The following CPLANE1 variants were observed in gnomAD, a reference collection of about 807,000 sequenced individuals.
The protein encoded by CPLANE1 is ciliogenesis and planar polarity effector 1.
A neutral mutation model predicts 362.5 loss-of-function variants in CPLANE1; 263 were observed. The ratio of observed to expected loss-of-function variants is 0.73; its 90% CI spans 0.66 to 0.80. The LOEUF (loss-of-function observed/expected upper bound fraction) is 0.80. CPLANE1 is among the 30% of genes least tolerant of loss of function. The probability of loss-of-function intolerance (pLI) is 0.00; values close to 1 mark genes in which losing one functional copy is unlikely to be tolerated. For missense variants in CPLANE1, 3,461 were observed against 3,793.4 expected (o/e 0.91, Z 2.30); for synonymous variants, 1,212 against 1,302.6 (o/e 0.93, Z 1.50).
chr5:37,191,708 G>T (rs1341693819), intron 21 of CPLANE1, among the ~76,000 whole-genome samples: 1 of 152,054 alleles, frequency 6.6e-6, no homozygotes, highest in Non-Finnish European at 1.5e-5. Flanking sequence ...AGTGGCTTAC[G>T]CCTGTAGTCC....
At chr5:37,170,421 G>C in intron 32 of CPLANE1, 90 bp from the exon 33 acceptor site, 2 of 1,244,370 alleles carry the variant, frequency 1.6e-6, no homozygotes, top group Non-Finnish European at 2.2e-6. Context: ...TTCTACAATA[G>C]TCACACGTTT....
intron 17 of CPLANE1, 78 bp from the exon 18 acceptor site, chr5:37,205,532 C>G (rs530932736): frequency 4.2e-6 from 4 of 961,582 alleles, no homozygotes; most frequent in South Asian, 2.0e-5. Flanking sequence ...AAGGACTAAA[C>G]ATGAAAGTTT....
the CPLANE1 span, among the ~76,000 whole-genome samples, chr5:37,088,279 AGCAGGCAAT>A: frequency 6.6e-6 from 1 of 152,356 alleles, no homozygotes; most frequent in East Asian, 1.9e-4. Context: ...GCTAATGTGC[AGCAGGCAAT>A]GCAGGCAATC....
rs747983398 is a variant in CPLANE1, at chr5:37,173,896, T to C, written c.6030A>G (p.Ile2010Met). Residue 2010 changes from isoleucine to methionine, a missense_variant, in exon 32 of 53, where the codon ATA (isoleucine) becomes ATG (methionine). Coordinates refer to ENST00000651892, the MANE Select transcript of CPLANE1 (RefSeq NM_001384732.1). ...GTGAAGCAACATTGACTCCATTTGA[T>C]ATCAGAAGTGGAACTGAGGAAGATT... ...KEKSSSVPLL[I>M]SNGVNVASQP... 2 of 1,614,182 alleles carry C rather than the reference T, an allele frequency of 1.2e-6. No homozygotes were observed. Among genetic ancestry groups the C allele is most frequent in the Non-Finnish European group, 8.5e-7 (1 of 1,180,022 alleles).
chr5:37,130,101 T>C (rs1765341895), intron 46 of CPLANE1, among the ~76,000 whole-genome samples: 1 of 152,170 alleles, frequency 6.6e-6, no homozygotes, highest in Non-Finnish European at 1.5e-5. Context: ...CGCAGCAACC[T>C]GGATGGAATT....
intron 16 of CPLANE1, among the ~76,000 whole-genome samples, chr5:37,208,948 AG>A (rs67671100): frequency 0.26 from 21,861 of 85,234 alleles, 3,900 homozygotes; most frequent in African/African-American, 0.51. Context: ...AAAAAAAAAA[AG>A]AAAAGAAAAA....
rs371846835 is a variant in CPLANE1, at chr5:37,107,209, AT to A, written c.*392del. ...GACTGATTTTCTTCTCAATGAAAAG[AT>A]TTTTTTTTTTCCTATTAGATTCATC... On this transcript the variant is annotated 3_prime_UTR_variant, in exon 53 of 53. Coordinates refer to ENST00000651892, the MANE Select transcript of CPLANE1 (RefSeq NM_001384732.1). The A allele has an allele frequency of 0.012, 9,280 of 751,006 alleles. 1 individual carries two copies. The highest frequency in any genetic ancestry group is 0.016 in the Middle Eastern group (23 of 1,416). The allele number at this position is 751,006 out of a possible 1,614,324, so 46.5% of individuals were successfully genotyped here.
the CPLANE1 span, among the ~76,000 whole-genome samples, chr5:37,092,138 C>T: frequency 6.6e-6 from 1 of 152,330 alleles, no homozygotes; most frequent in Admixed American, 6.5e-5. Flanking sequence ...CGCCCTGTCA[C>T]CTGGGCAGAC....
chr5:37,157,602 T>C, intron 40 of CPLANE1, 68 bp downstream of exon 40: 1 of 1,344,744 alleles, frequency 7.4e-7, no homozygotes, highest in Non-Finnish European at 1.1e-6. Context: ...GAGATGTGAG[T>C]AGGGATAACA....
chr5:37,140,630 G>A (rs1769406670), intron 44 of CPLANE1: 1 of 985,306 alleles, frequency 1.0e-6, no homozygotes, highest in Non-Finnish European at 1.2e-6. Flanking sequence ...AAAAAAGCTT[G>A]AAGGATTCTC....
At chr5:37,210,608 C>A in intron 16 of CPLANE1, 1 of 1,597,630 alleles carries the variant, frequency 6.3e-7, no homozygotes, top group Non-Finnish European at 8.5e-7. Flanking sequence ...CTGTCAAAGC[C>A]CAGTCTTTGG....
In CPLANE1 at chr5:37,107,764, A is replaced by G; in HGVS notation, c.9594T>C (p.Thr3198=). ...AAGGATGCTCTGGCTCTTCCTCTTC[A>G]GTTGGAGACAAGTCCTATTAAATTG... ...HNSLLQDLSP[T]EEEEPEHPFG... Residue 3198 remains threonine (T), a synonymous_variant, in exon 53 of 53, where the codon ACT becomes ACC. Transcript: ENST00000651892. 2 of 1,608,474 alleles carry G rather than the reference A, an allele frequency of 1.2e-6. No homozygotes were observed. The highest frequency in any genetic ancestry group is 1.7e-6 in the Non-Finnish European group (2 of 1,177,040).
intron 16 of CPLANE1, chr5:37,211,358 A>G: frequency 6.6e-7 from 1 of 1,516,958 alleles, no homozygotes; most frequent in East Asian, 2.3e-5. Flanking sequence ...AAGGCCCACT[A>G]CCAGCAAAGA....
At chr5:37,212,976 A>G (rs1270447822) in intron 16 of CPLANE1, among the ~76,000 whole-genome samples, 3 of 152,244 alleles carry the variant, frequency 2.0e-5, no homozygotes, top group African/African-American at 7.2e-5. Context: ...AGGGAGGCCA[A>G]GGCAGGTGGA....
chr5:37,189,383 C>T (rs1784863635), intron 21 of CPLANE1, among the ~76,000 whole-genome samples: 1 of 152,136 alleles, frequency 6.6e-6, no homozygotes, highest in Non-Finnish European at 1.5e-5. Flanking sequence ...CTCCAGTGAG[C>T]ATTTTCACAC....
intron 37 of CPLANE1, among the ~76,000 whole-genome samples, chr5:37,163,328 T>C (rs1777373790): frequency 6.6e-6 from 1 of 152,194 alleles, no homozygotes; most frequent in Admixed American, 6.5e-5. Context: ...CATGTGTTTC[T>C]GGCTTAGGCT....
chr5:37,098,194 C>A, the CPLANE1 span, among the ~76,000 whole-genome samples: 1 of 151,434 alleles, frequency 6.6e-6, no homozygotes, highest in Non-Finnish European at 1.5e-5. Context: ...GAGTTCGAGA[C>A]CAGCCTGGCC....
chr5:37,191,251 G>A (rs778148855), intron 21 of CPLANE1, among the ~76,000 whole-genome samples: 2 of 152,144 alleles, frequency 1.3e-5, no homozygotes, highest in Admixed American at 6.5e-5. Context: ...AAAAAAGCCT[G>A]GCCAAGCACA....
At chr5:37,154,938 C>T (rs1774642985) in intron 41 of CPLANE1, among the ~76,000 whole-genome samples, 2 of 152,136 alleles carry the variant, frequency 1.3e-5, no homozygotes, top group South Asian at 2.1e-4. Flanking sequence ...ATAGCACCAC[C>T]GTTCAGTTTC....
Sources: gnomAD v4.1 joint callset for allele counts (sites outside exome capture counted in the v4.1 genomes callset) on GRCh38, gnomAD v4.1.1 for gene constraint, MANE v1.5 for transcripts, NCBI Gene and HGNC (gene_info 2026-07-23, HGNC 2026-07-21) for gene names.